Variants in PALB2 observed in about 807,000 individuals in gnomAD.
The protein encoded by PALB2 is mutant partner and localizer of BRCA2.
In PALB2, 82 loss-of-function variants were observed where a neutral mutation model predicts 107.4. The ratio of observed to expected loss-of-function variants is 0.76; its 90% CI spans 0.64 to 0.92. The LOEUF is 0.92. Ranked by LOEUF, PALB2 falls within the 40% of genes least tolerant of loss-of-function variation. The pLI is 0.00. For synonymous variants in PALB2, 489 were observed against 496.8 expected, an observed-to-expected ratio of 0.98 and a Z score of 0.21; for missense variants, 1,374 against 1,379.9, an observed-to-expected ratio of 1.00 and a Z score of 0.07.
chr16:23,639,604 G>A (rs2142469806), intron 1 of PALB2, among the ~76,000 whole-genome samples: 1 of 151,138 alleles, frequency 6.6e-6, no homozygotes, highest in Middle Eastern at 3.5e-3. Context: ...CAGATTACCT[G>A]AGGTCAGGAG....
chr16:23,624,242 G>A (rs575601912), intron 7 of PALB2, 148 bp from the exon 8 acceptor site: 2 of 657,374 alleles, frequency 3.0e-6, no homozygotes, highest in African/African-American at 3.6e-5. Context: ...CTTTTTATTA[G>A]CTGTAAATCT....
intron 11 of PALB2, among the ~76,000 whole-genome samples, chr16:23,611,507 G>A (rs967685702): frequency 6.6e-6 from 1 of 150,960 alleles, no homozygotes; most frequent in Admixed American, 6.6e-5. Flanking sequence ...CACTCAGGCT[G>A]GAGTGCAGTG....
chr16:23,621,513 G>A (rs2142328883), intron 9 of PALB2, 35 bp from the exon 10 acceptor site: 2 of 1,338,206 alleles, frequency 1.5e-6, no homozygotes, highest in South Asian at 1.2e-5. Context: ...TCAGTACTTT[G>A]CACTAAAGCA....
rs1480282493 is a variant in PALB2, at chr16:23,635,328, T to C, written c.1218A>G (p.Ala406=). ...CTVPEGLLFP[A]EYYVRTTRSM... Reference sequence around the variant, plus strand: ...TTCGTGTTGTTCTAACATAATATTCTGCAGGAAACAGAAGGCCTTCAGGCA... The same window carrying C: ...TTCGTGTTGTTCTAACATAATATTCCGCAGGAAACAGAAGGCCTTCAGGCA... The change falls in exon 4 of 13, where the codon GCA becomes GCG. Residue 406 remains alanine, a synonymous_variant. Transcript: ENST00000261584. 2 of 1,614,100 alleles carry C rather than the reference T, an allele frequency of 1.2e-6. No individual in the cohort carries two copies. Among genetic ancestry groups the C allele is most frequent in the South Asian group, 1.1e-5 (1 of 91,084 alleles).
chr16:23,637,788 T>A lies in PALB2; in HGVS notation c.211+62A>T, dbSNP rs539774354. On this transcript the variant is annotated intron_variant, in intron 3 of 12. Transcript: ENST00000261584. ...CTTCACACTGTGGGAAAAAGAACAA[T>A]AGCCAAAATATACCTGGGAAATGAA... 21 of 1,304,714 alleles carry A rather than the reference T, an allele frequency of 1.6e-5. No individual in the cohort carries two copies. The South Asian group carries it at 2.5e-4, about 15-fold the overall frequency. 80.8% of individuals were successfully genotyped at this position (1,304,714 alleles called of 1,614,324 possible).
chr16:23,617,167 A>T (rs1173380752), intron 10 of PALB2, among the ~76,000 whole-genome samples: 2 of 152,172 alleles, frequency 1.3e-5, no homozygotes, highest in African/African-American at 4.8e-5. Context: ...AAGCCACTTG[A>T]CACTTGAGTA....
At position 23,629,721 on chromosome 16, in the gene PALB2, TGGA is replaced by T; in HGVS notation, c.2430_2432del (p.Pro812del). The T allele has an allele frequency of 1.2e-6, 2 of 1,614,154 alleles. No individual in the cohort carries two copies. The highest frequency in any genetic ancestry group is 1.7e-6 in the Non-Finnish European group (2 of 1,180,028). On this transcript the variant is annotated inframe_deletion, in exon 5 of 13. Coordinates refer to ENST00000261584, the MANE Select transcript of PALB2 (RefSeq NM_024675.4). ...CTTTAAAAGTGAATGACTCAATGGG[TGGA>T]GGTGTTCCTGGCGGGACAGAGTCAC...
chr16:23,607,783 A>G, intron 12 of PALB2, 81 bp downstream of exon 12: 1 of 1,489,632 alleles, frequency 6.7e-7, no homozygotes, highest in Non-Finnish European at 9.4e-7. Flanking sequence ...CTTCTAAGTG[A>G]CACAAAAATA....
chr16:23,604,902 C>G (rs1175577335), intron 12 of PALB2, among the ~76,000 whole-genome samples: 3 of 151,390 alleles, frequency 2.0e-5, no homozygotes, highest in East Asian at 3.9e-4. Flanking sequence ...GGTGAAACCC[C>G]GTCTCTACTA....
chr16:23,631,152 C>T (rs1966873123), intron 4 of PALB2, among the ~76,000 whole-genome samples: 1 of 148,164 alleles, frequency 6.7e-6, no homozygotes, highest in African/African-American at 2.5e-5. Flanking sequence ...TGGTGGCTGG[C>T]GCCTGTAGTC....
intron 12 of PALB2, among the ~76,000 whole-genome samples, chr16:23,604,945 G>A (rs960128611): frequency 1.3e-5 from 2 of 149,890 alleles, no homozygotes; most frequent in African/African-American, 4.9e-5. Flanking sequence ...ATGGTGGCAC[G>A]TGCCTGTAAT....
Position 23,614,080 on chromosome 16 carries a change from G to C in PALB2, c.3125C>G (p.Thr1042Ser), listed in dbSNP as rs587780215. ...MNNIVIWNLK[T>S]GQLLKKMHID... ...GTGCATCTTTTTCAGGAGTTGACCA[G>C]TTTTTAAATTCCTTAGATAACAAAA... Residue 1042 changes from threonine (T) to serine (S), a missense_variant, in exon 11 of 13, where the codon ACT (threonine) becomes AGT (serine). Thr to Ser is a moderately conservative substitution (Grantham distance 58). Transcript: ENST00000261584. 6.2e-7 allele frequency: 1 copy of C among 1,609,642 alleles called. No individual in the cohort carries two copies. Among genetic ancestry groups the C allele is most frequent in the African/African-American group, 1.3e-5 (1 of 74,822 alleles).
intron 9 of PALB2, 43 bp downstream of exon 9, chr16:23,622,926 A>G (rs781173873): frequency 3.1e-6 from 5 of 1,609,828 alleles, no homozygotes; most frequent in Non-Finnish European, 4.2e-6. Flanking sequence ...TGATAAAATC[A>G]TTCTTCATCT....
chr16:23,614,216 T>C, intron 10 of PALB2, 125 bp from the exon 11 acceptor site: 1 of 689,694 alleles, frequency 1.4e-6, no homozygotes, highest in Non-Finnish European at 2.5e-6. Context: ...AGCTCCTTAG[T>C]TTTCTTTAGT....
At chr16:23,630,738 G>A (rs1966869576) in intron 4 of PALB2, among the ~76,000 whole-genome samples, 1 of 152,104 alleles carries the variant, frequency 6.6e-6, no homozygotes, top group Non-Finnish European at 1.5e-5. Context: ...CCATGACTCA[G>A]AAACTTGGGC....
chr16:23,623,644 G>T (rs1192992978), intron 8 of PALB2, among the ~76,000 whole-genome samples: 2 of 150,754 alleles, frequency 1.3e-5, no homozygotes, highest in Non-Finnish European at 2.9e-5. Flanking sequence ...CTCCTGAGTA[G>T]CTGGGATTAT....
At chr16:23,614,315 C>T (rs1324111069) in intron 10 of PALB2, among the ~76,000 whole-genome samples, 3 of 152,102 alleles carry the variant, frequency 2.0e-5, no homozygotes, top group Non-Finnish European at 4.4e-5. Flanking sequence ...TACAATGCCC[C>T]TAGGGATAAA....
At chr16:23,613,504 T>G (rs1334399742) in intron 11 of PALB2, among the ~76,000 whole-genome samples, 2 of 151,864 alleles carry the variant, frequency 1.3e-5, no homozygotes, top group African/African-American at 4.8e-5. Context: ...ATTAGCCGGG[T>G]GTGGTGGCGG....
intron 11 of PALB2, among the ~76,000 whole-genome samples, chr16:23,612,130 A>G (rs949482248): frequency 7.2e-5 from 11 of 152,212 alleles, no homozygotes; most frequent in African/African-American, 2.7e-4. Context: ...GTCTCTGCTC[A>G]TGGCTTCAAC....
Sources: gnomAD v4.1 joint callset for allele counts (sites outside exome capture counted in the v4.1 genomes callset) on GRCh38, gnomAD v4.1.1 for gene constraint, MANE v1.5 for transcripts, NCBI Gene and HGNC (gene_info 2026-07-23, HGNC 2026-07-21) for gene names.